The following KAT2A variants were observed in gnomAD, a reference collection of about 807,000 sequenced individuals.
KAT2A encodes histone acetyltransferase KAT2A.
KAT2A carries 42 observed loss-of-function variants against 95.2 expected under a neutral mutation model. That is an observed-to-expected ratio of 0.44 (90% CI 0.34 to 0.57). The LOEUF (loss-of-function observed/expected upper bound fraction) is 0.57. Among genes scored for constraint, KAT2A ranks in the 20% least tolerant of loss-of-function variants. KAT2A has a pLI of 0.01. For synonymous variants in KAT2A, 449 were observed against 448.2 expected (o/e 1.00, Z -0.02); for missense variants, 784 against 1,126.3 (o/e 0.70, Z 4.35).
chr17:42,117,331 G>A lies in KAT2A; in HGVS notation c.1637+57C>T, dbSNP rs1224915023. On this transcript the variant is annotated intron_variant, in intron 10 of 17. Coordinates refer to ENST00000225916, the MANE Select transcript of KAT2A (RefSeq NM_021078.3). This position sits in a 1 kb window ranked among gnomAD's most constrained non-coding sequence, Gnocchi z 8.9. ...CCCAATTTTGAGGAGTGAAGAGGCC[G>A]AGGAGGAAGGGAACTGGGTGTGCTG... 11 of 1,586,306 alleles carry A rather than the reference G, an allele frequency of 6.9e-6. No homozygotes were observed. The highest frequency in any genetic ancestry group is 3.3e-5 in the Admixed American group (2 of 59,854).
At position 42,117,438 on chromosome 17, in the gene KAT2A, G is replaced by A; in HGVS notation, c.1587C>T (p.His529=). 6.2e-7 allele frequency: 1 copy of A among 1,613,508 alleles called. No homozygotes were observed. Among genetic ancestry groups the A allele is most frequent in the Non-Finnish European group, 8.5e-7 (1 of 1,179,974 alleles). ...ACTCCTTAGGCATGCGCGGCAGCTGGTGGGAAAAGACATTCTGCAGCCCCA... is the reference window on the plus strand; with the variant it reads ...ACTCCTTAGGCATGCGCGGCAGCTGATGGGAAAAGACATTCTGCAGCCCCA... ...WLVGLQNVFS[H]QLPRMPKEYI... The change falls in exon 10 of 18, where the codon CAC becomes CAT. Residue 529 remains histidine, a synonymous_variant. Coordinates refer to ENST00000225916, the MANE Select transcript of KAT2A (RefSeq NM_021078.3). The surrounding 1 kb of genome is among the most constrained non-coding windows in gnomAD (Gnocchi z 8.9).
intron 12 of KAT2A, 79 bp downstream of exon 12, chr17:42,115,641 CCTA>C: frequency 1.1e-6 from 1 of 872,710 alleles, no homozygotes; most frequent in Non-Finnish European, 2.0e-6. Context: ...CAAAGGGACT[CCTA>C]CTCCATCCAC....
Position 42,114,502 on chromosome 17 carries a change from C to A in KAT2A, c.2122G>T (p.Val708Phe), listed in dbSNP as rs1347629766. Reference sequence around the variant, plus strand: ...GACCCCTGCTTACGAATGCCAGGAACGCTCTCCACAGGGATCTGCCTCACG... The same window carrying A: ...GACCCCTGCTTACGAATGCCAGGAAAGCTCTCCACAGGGATCTGCCTCACG... ...EGVRQIPVES[V>F]PGIRETGWKP... The change falls in exon 14 of 18, where the codon GTT becomes TTT. Residue 708 changes from valine (V) to phenylalanine (F), a missense_variant. This residue lies in a region of KAT2A where 195 missense variants were observed against 247.1 expected (regional missense o/e 0.79). Transcript: ENST00000225916. This position sits in a 1 kb window ranked among gnomAD's most constrained non-coding sequence, Gnocchi z 6.0. The A allele has an allele frequency of 3.1e-6, 5 of 1,614,040 alleles. No homozygotes were observed. Among genetic ancestry groups the A allele is most frequent in the Admixed American group, 1.7e-5 (1 of 60,020 alleles).
intron 2 of KAT2A, 22 bp downstream of exon 2, chr17:42,120,684 C>T: frequency 1.2e-6 from 2 of 1,613,768 alleles, no homozygotes; most frequent in South Asian, 2.2e-5. Flanking sequence ...GCCCCCAGCT[C>T]CAAGGGCGCT....
In KAT2A at chr17:42,117,992, G is replaced by A; in HGVS notation, c.1206C>T (p.Pro402=). The change falls in exon 8 of 18, where the codon CCC becomes CCT. Residue 402 remains proline (P), a synonymous_variant. Coordinates refer to ENST00000225916, the MANE Select transcript of KAT2A (RefSeq NM_021078.3). This position sits in a 1 kb window ranked among gnomAD's most constrained non-coding sequence, Gnocchi z 8.9. ...RPASVSAAVV[P]STPIFSPSMG... is the part of the protein sequence containing the mutation. ...TGCTGGGGCTGAAGATGGGGGTGCT[G>A]GGAACAACCGCTGCACTGACTGAAG... The A allele has an allele frequency of 6.2e-7, 1 of 1,605,388 alleles. No homozygotes were observed. The highest frequency in any genetic ancestry group is 8.5e-7 in the Non-Finnish European group (1 of 1,174,718).
In KAT2A at chr17:42,120,290, G is replaced by C; in HGVS notation, c.544C>G (p.Leu182Val). The change falls in exon 3 of 18, where the codon CTC becomes GTC. Residue 182 changes from leucine to valine, a missense_variant. Leu to Val is a conservative substitution (Grantham distance 32). Around this residue, in one of 6 missense-constraint regions of KAT2A, gnomAD observed 208 missense variants for 339.7 expected, o/e 0.61. Coordinates refer to ENST00000225916, the MANE Select transcript of KAT2A (RefSeq NM_021078.3). ...LLGMVVDVEN[L>V]FMSVHKEEDT... ...TCTTCCTTGTGAACAGACATGAAGAGATTCTCCACATCCACCACCATCCCC... is the reference window on the plus strand; with the variant it reads ...TCTTCCTTGTGAACAGACATGAAGACATTCTCCACATCCACCACCATCCCC... The C allele has an allele frequency of 1.9e-6, 3 of 1,614,168 alleles. No individual in the cohort carries two copies. Among genetic ancestry groups the C allele is most frequent in the Non-Finnish European group, 2.5e-6 (3 of 1,179,984 alleles).
chr17:42,118,023 G>A lies in KAT2A; in HGVS notation c.1181-6C>T, dbSNP rs782592526. 8 of 1,375,892 alleles carry A rather than the reference G, an allele frequency of 5.8e-6. No individual in the cohort carries two copies. The allele number at this position is 1,375,892 out of a possible 1,614,324, so 85.2% of individuals were successfully genotyped here. A position where few individuals can be genotyped will look rare whatever the true frequency, so the allele number is the denominator to read the frequency against. On this transcript the variant is annotated splice_polypyrimidine_tract_variant and splice_region_variant and intron_variant, in intron 7 of 17. Coordinates refer to ENST00000225916, the MANE Select transcript of KAT2A (RefSeq NM_021078.3). ...AACCGCTGCACTGACTGAAGCTGAG[G>A]AGAGAGAGAGACGTCAGGGATGGGG...
In KAT2A at chr17:42,113,667, TC is replaced by T. The variant is rs1555665130; in HGVS notation, c.2495del (p.Gly832GlufsTer15). 1.2e-6 allele frequency: 2 copies of T among 1,609,960 alleles called. No homozygotes were observed. Among genetic ancestry groups the T allele is most frequent in the Admixed American group, 3.4e-5 (2 of 58,954 alleles). ...EKFFYFKLKEGGLIDK is the reference protein window; with the variant it reads ...EKFFYFKLKEXGLIDK ...GATGGGCCTACTTGTCAATGAGGCC[TC>T]CCTCCTTGAGCTTGAAGTAGAAGAA... On this transcript the variant is annotated frameshift_variant, in exon 18 of 18. Coordinates refer to ENST00000225916, the MANE Select transcript of KAT2A (RefSeq NM_021078.3). LOFTEE classifies it high-confidence loss of function.
chr17:42,120,659 C>A, intron 2 of KAT2A, 47 bp downstream of exon 2: 3 of 1,612,128 alleles, frequency 1.9e-6, no homozygotes, highest in Non-Finnish European at 2.5e-6. Context: ...CCTGTCCAAG[C>A]AGGACCCAGC....
At chr17:42,115,091 C>A (rs1015683106) in intron 12 of KAT2A, 56 bp from the exon 13 acceptor site, 2 of 1,576,654 alleles carry the variant, frequency 1.3e-6, no homozygotes, top group South Asian at 2.3e-5. Flanking sequence ...CAACTTCTGT[C>A]GTCCCTCACC....
At chr17:42,118,940 A>C in intron 6 of KAT2A, 1 of 940,658 alleles carries the variant, frequency 1.1e-6, no homozygotes, top group Non-Finnish European at 1.4e-6. Flanking sequence ...GGTTTCTTGG[A>C]GAGTTGTGCA....
rs2054198847 is a variant in KAT2A at position 42,113,459 on chromosome 17, A to C, written c.*190T>G. ...CCAGGAGACCTCTCACACACAGTGA[A>C]GGCTGGGACAGAGCTGCACGCTTGG... On this transcript the variant is annotated 3_prime_UTR_variant, in exon 18 of 18. Coordinates refer to ENST00000225916, the MANE Select transcript of KAT2A (RefSeq NM_021078.3). The C allele has an allele frequency of 1.9e-6, 1 of 528,516 alleles. No homozygotes were observed. The highest frequency in any genetic ancestry group is 3.3e-6 in the Non-Finnish European group (1 of 306,108). 32.7% of individuals were successfully genotyped at this position (528,516 alleles called of 1,614,324 possible). A position where few individuals can be genotyped will look rare whatever the true frequency, so the allele number is the denominator to read the frequency against.
chr17:42,116,962 C>G, intron 11 of KAT2A, 73 bp downstream of exon 11: 1 of 1,573,194 alleles, frequency 6.4e-7, no homozygotes, highest in Non-Finnish European at 8.7e-7. Flanking sequence ...TGCCACACAT[C>G]CTGCTGCTCC....
At position 42,113,552 on chromosome 17, in the gene KAT2A, G is replaced by T; in HGVS notation, c.*97C>A. On this transcript the variant is annotated 3_prime_UTR_variant, in exon 18 of 18. Coordinates refer to ENST00000225916, the MANE Select transcript of KAT2A (RefSeq NM_021078.3). ...AGGACCCTTGGCTGGAGTGTCTCAA[G>T]CTGAGTCGGGTCCGTGGGGCCAGGG... 8.2e-7 allele frequency: 1 copy of T among 1,223,038 alleles called. No homozygotes were observed. The highest frequency in any genetic ancestry group is 1.1e-6 in the Non-Finnish European group (1 of 871,076). 75.8% of individuals were successfully genotyped at this position (1,223,038 alleles called of 1,614,324 possible). A position where few individuals can be genotyped will look rare whatever the true frequency, so the allele number is the denominator to read the frequency against.
chr17:42,116,991 G>A, intron 11 of KAT2A, 44 bp downstream of exon 11: 1 of 1,610,246 alleles, frequency 6.2e-7, no homozygotes. Flanking sequence ...CCAAACTCAG[G>A]AGTGGGCCGT....
At chr17:42,115,204 G>A (rs1555665730) in intron 12 of KAT2A, among the ~76,000 whole-genome samples, 169 bp from the exon 13 acceptor site, 1 of 152,088 alleles carries the variant, frequency 6.6e-6, no homozygotes, top group Non-Finnish European at 1.5e-5. Flanking sequence ...AAGGTCCCAG[G>A]TCAGCTGCCC....
At chr17:42,118,450 C>A in intron 6 of KAT2A, 47 bp from the exon 7 acceptor site, 1 of 1,340,792 alleles carries the variant, frequency 7.5e-7, no homozygotes, top group Non-Finnish European at 1.1e-6. Context: ...CTCCAGGGTG[C>A]AGCCTGGGCC....
intron 3 of KAT2A, 24 bp from the exon 4 acceptor site, chr17:42,120,143 T>C (rs2144042592): frequency 1.9e-6 from 3 of 1,613,628 alleles, no homozygotes; most frequent in African/African-American, 1.3e-5. Flanking sequence ...GAAGGGGGCA[T>C]AGAGGGGAGG....
Position 42,115,788 on chromosome 17 carries a change from T to G in KAT2A, c.1810A>C (p.Lys604Gln), listed in dbSNP as rs1555665872. The G allele has an allele frequency of 1.9e-6, 3 of 1,613,748 alleles. No homozygotes were observed. In the African/African-American group the frequency reaches 4.0e-5, roughly 22 times the overall value. Residue 604 changes from lysine (K) to glutamine (Q), a missense_variant, in exon 12 of 18, where the codon AAG becomes CAG. By Grantham distance (53) the Lys-to-Gln change is moderately conservative. Transcript: ENST00000225916. ...LMNHLKEYHI[K>Q]HNILYFLTYA... Reference sequence around the variant, plus strand: ...GTGAGGAAGTAGAGAATGTTGTGCTTGATGTGATACTCCTTCAGGTGGTTC... The same window carrying G: ...GTGAGGAAGTAGAGAATGTTGTGCTGGATGTGATACTCCTTCAGGTGGTTC...
Sources: allele counts gnomAD v4.1 joint callset (sites outside exome capture counted in the v4.1 genomes callset), GRCh38; gene constraint gnomAD v4.1.1; regional missense constraint gnomAD v4.1.1; non-coding constraint Gnocchi (gnomAD v3.1); transcripts MANE v1.5; gene names NCBI Gene and HGNC (gene_info 2026-07-23, HGNC 2026-07-21).